The following FRMD4A variants were observed in gnomAD, a reference collection of about 807,000 sequenced individuals.
The protein encoded by FRMD4A is FERM domain-containing protein 4A.
A neutral mutation model predicts 129.1 loss-of-function variants in FRMD4A; 29 were observed. The observed-to-expected ratio is 0.22, with a 90% CI of 0.17 to 0.31. The LOEUF is 0.31. Among genes scored for constraint, FRMD4A ranks in the 10% least tolerant of loss-of-function variants. The pLI is 1.00. For synonymous variants in FRMD4A, 634 were observed against 571.6 expected, an observed-to-expected ratio of 1.11 and a Z score of -1.56; for missense variants, 1,272 against 1,375.8, an observed-to-expected ratio of 0.92 and a Z score of 1.19.
chr10:13,855,966 TATATAA>T (rs1378875317), intron 3 of FRMD4A, among the ~76,000 whole-genome samples: 1 of 151,858 alleles, frequency 6.6e-6, no homozygotes, highest in Admixed American at 6.6e-5. Flanking sequence ...CCTTTCCATA[TATATAA>T]ATATAAATAT....
intron 3 of FRMD4A, among the ~76,000 whole-genome samples, chr10:13,851,282 A>G (rs1229607281): frequency 6.6e-6 from 1 of 152,260 alleles, no homozygotes; most frequent in African/African-American, 2.4e-5. Flanking sequence ...TGTGCCAAAC[A>G]TCCAGTATTA....
intron 2 of FRMD4A, among the ~76,000 whole-genome samples, chr10:14,259,171 C>A (rs1844716458): frequency 6.6e-6 from 1 of 152,078 alleles, no homozygotes; most frequent in African/African-American, 2.4e-5. Context: ...CTTGACAAAC[C>A]TGTAAACAGT....
intron 2 of FRMD4A, among the ~76,000 whole-genome samples, chr10:13,924,294 A>T (rs972182103): frequency 2.6e-5 from 4 of 152,140 alleles, no homozygotes; most frequent in African/African-American, 9.7e-5. Flanking sequence ...TCCTCCAATG[A>T]CTTCTCATCT....
At chr10:13,973,344 T>G (rs1026909357) in intron 2 of FRMD4A, among the ~76,000 whole-genome samples, 2 of 152,210 alleles carry the variant, frequency 1.3e-5, no homozygotes, top group Non-Finnish European at 2.9e-5. Context: ...TTTGTTTAAT[T>G]AATATAATGC....
intron 8 of FRMD4A, among the ~76,000 whole-genome samples, chr10:13,748,210 G>T (rs61102910): frequency 0.013 from 1,964 of 152,254 alleles, 79 homozygotes; most frequent in South Asian, 0.12. Context: ...GAACCCCGCC[G>T]TTAGGCTCAC....
chr10:14,305,085 C>G (rs1846305675), intron 2 of FRMD4A, among the ~76,000 whole-genome samples: 1 of 152,206 alleles, frequency 6.6e-6, no homozygotes, highest in Non-Finnish European at 1.5e-5. Flanking sequence ...CTGGGGGAAA[C>G]CAACTCAATA....
At chr10:13,724,930 G>T (rs146790558) in intron 12 of FRMD4A, among the ~76,000 whole-genome samples, 1 of 152,124 alleles carries the variant, frequency 6.6e-6, no homozygotes. Context: ...ACCGCTTTTG[G>T]TTATTTAATC....
At chr10:14,185,975 G>A (rs1252399260) in intron 2 of FRMD4A, among the ~76,000 whole-genome samples, 1 of 152,154 alleles carries the variant, frequency 6.6e-6, no homozygotes, top group Non-Finnish European at 1.5e-5. Flanking sequence ...AAAAGCACAA[G>A]GCCAGAGGAT....
intron 2 of FRMD4A, among the ~76,000 whole-genome samples, chr10:13,907,649 C>T (rs2094896350): frequency 6.6e-6 from 1 of 152,090 alleles, no homozygotes; most frequent in Non-Finnish European, 1.5e-5. Flanking sequence ...CCAATGGCTC[C>T]TAGTGACTCT....
In FRMD4A at chr10:14,155,206, G is replaced by A. The variant is rs537971488; in HGVS notation, c.45+174852C>T. ...GCTACTCGGGAGGCTGAGGCAGGAG[G>A]ATCACTTGAGCCCAGGAGTTGGAGG... On this transcript the variant is annotated intron_variant, in intron 2 of 24. Coordinates refer to ENST00000357447, the MANE Select transcript of FRMD4A (RefSeq NM_018027.5). Among the ~76,000 whole-genome samples the A allele has an allele frequency of 3.0e-4, 46 of 152,320 alleles. 1 individual carries two copies. The East Asian group carries it at 8.9e-3, about 29-fold the overall frequency.
intron 2 of FRMD4A, among the ~76,000 whole-genome samples, chr10:13,892,416 G>A (rs1055493576): frequency 1.3e-5 from 2 of 152,152 alleles, no homozygotes; most frequent in Non-Finnish European, 2.9e-5. Context: ...CTGGGAGAGG[G>A]AGACTTCCAT....
At chr10:13,915,620 C>A (rs1178125102) in intron 2 of FRMD4A, among the ~76,000 whole-genome samples, 1 of 149,610 alleles carries the variant, frequency 6.7e-6, no homozygotes, top group East Asian at 2.0e-4. Flanking sequence ...TGCAGTGAGC[C>A]GAGATCACGC....
intron 2 of FRMD4A, among the ~76,000 whole-genome samples, chr10:13,949,222 C>T (rs11258745): frequency 0.019 from 2,666 of 142,070 alleles, 60 homozygotes; most frequent in East Asian, 0.074. Flanking sequence ...CTGCTATTGA[C>T]AATCAGGGTG....
intron 2 of FRMD4A, among the ~76,000 whole-genome samples, chr10:14,132,140 G>T (rs1417814977): frequency 6.6e-6 from 1 of 152,068 alleles, no homozygotes; most frequent in Admixed American, 6.6e-5. Context: ...ACAAAAATTA[G>T]CTGGGCGTGG....
In FRMD4A at chr10:13,910,888, GAAAAAAAAAAAA is replaced by G. The variant is rs141449954; in HGVS notation, c.46-51988_46-51977del. ...CCTGTTAAGCCTCTGGGAGTTTCAT[GAAAAAAAAAAAA>G]AAAAAAAAAAAAAAAAAAAAAAAAA... On this transcript the variant is annotated intron_variant, in intron 2 of 24. Transcript: ENST00000357447. Among the ~76,000 whole-genome samples, 602 of 82,958 alleles carry G rather than the reference GAAAAAAAAAAAA, an allele frequency of 7.3e-3. 1 individual carries two copies. Among genetic ancestry groups the G allele is most frequent in the African/African-American group, 0.012 (236 of 19,992 alleles). The allele number at this position is 82,958 out of a possible 152,430, so 54.4% of individuals were successfully genotyped here. A position where few individuals can be genotyped will look rare whatever the true frequency, so the allele number is the denominator to read the frequency against.
intron 2 of FRMD4A, among the ~76,000 whole-genome samples, chr10:14,111,944 G>T (rs182068365): frequency 2.9e-5 from 4 of 137,352 alleles, no homozygotes; most frequent in Admixed American, 7.5e-5. Context: ...AGGAAGGAAG[G>T]AAGGGAGGGA....
chr10:13,697,246 T>TC lies in FRMD4A; in HGVS notation c.976-3208dup, dbSNP rs543687856. Among the ~76,000 whole-genome samples, 287 of 151,074 alleles carry TC rather than the reference T, an allele frequency of 1.9e-3. 4 individuals carry two copies. Among genetic ancestry groups the TC allele is most frequent in the African/African-American group, 6.7e-3 (277 of 41,166 alleles). Reference sequence around the variant, plus strand: ...ATCTCAGCTCACTGCAACCTCTGCCTCCTGGGTTCAAGCGATTCTCCTCCC... The same window carrying TC: ...ATCTCAGCTCACTGCAACCTCTGCCTCCCTGGGTTCAAGCGATTCTCCTCCC... On this transcript the variant is annotated intron_variant, in intron 14 of 24. Transcript: ENST00000357447.
At chr10:14,077,950 A>G (rs1835706593) in intron 2 of FRMD4A, among the ~76,000 whole-genome samples, 1 of 152,214 alleles carries the variant, frequency 6.6e-6, no homozygotes, top group African/African-American at 2.4e-5. Context: ...AGGATGGCAT[A>G]GGTGAGGAAA....
At chr10:14,111,185 T>A (rs185723363) in intron 2 of FRMD4A, among the ~76,000 whole-genome samples, 2 of 152,372 alleles carry the variant, frequency 1.3e-5, no homozygotes, top group African/African-American at 4.8e-5. Context: ...TTCTGCTTTC[T>A]GTCTCTGCGA....
Sources: gnomAD v4.1 joint callset for allele counts (sites outside exome capture counted in the v4.1 genomes callset) on GRCh38, gnomAD v4.1.1 for gene constraint, MANE v1.5 for transcripts, NCBI Gene and HGNC (gene_info 2026-07-23, HGNC 2026-07-21) for gene names.